Variants in NPAS3 observed in about 807,000 individuals in gnomAD.
The protein encoded by NPAS3 is neuronal PAS domain protein 3.
NPAS3 carries 14 observed loss-of-function variants against 73.1 expected under a neutral mutation model. That is an observed-to-expected ratio of 0.19 (90% CI 0.13 to 0.30). The LOEUF (loss-of-function observed/expected upper bound fraction) is 0.30, where lower values mean the gene tolerates loss of function less well. NPAS3 is among the 10% of genes least tolerant of loss of function. The pLI, the probability that NPAS3 is intolerant of heterozygous loss-of-function variation, is 1.00. For missense variants in NPAS3, 1,096 were observed against 1,250.0 expected, an observed-to-expected ratio of 0.88 and a Z score of 1.86; for synonymous variants, 620 against 541.5, an observed-to-expected ratio of 1.14 and a Z score of -2.01.
intron 2 of NPAS3, among the ~76,000 whole-genome samples, chr14:33,064,476 C>T (rs2041214039): frequency 6.6e-6 from 1 of 152,016 alleles, no homozygotes; most frequent in African/African-American, 2.4e-5. Context: ...TTTGTGTTAC[C>T]TTGGAGCTCA....
At chr14:33,674,603 C>T (rs1200199482) in intron 5 of NPAS3, among the ~76,000 whole-genome samples, 5 of 152,100 alleles carry the variant, frequency 3.3e-5, no homozygotes, top group African/African-American at 7.2e-5. Flanking sequence ...CTGTGAATCC[C>T]GATTTACGCT....
rs187683499 is a variant in NPAS3, at chr14:33,395,914, C to T, written c.468+28646C>T. Reference sequence around the variant, plus strand: ...CTTATCTCCCCAGATAAATTATAAGCAAATGGACTTGAAGGCCCAGCGGTT... The same window carrying T: ...CTTATCTCCCCAGATAAATTATAAGTAAATGGACTTGAAGGCCCAGCGGTT... On this transcript the variant is annotated intron_variant, in intron 4 of 11. Coordinates refer to ENST00000356141, the Ensembl canonical transcript of NPAS3. Among the ~76,000 whole-genome samples, 59 of 152,252 alleles carry T rather than the reference C, an allele frequency of 3.9e-4. 1 individual carries two copies. The highest frequency in any genetic ancestry group is 7.1e-4 in the Non-Finnish European group (48 of 68,016).
rs757722388 is a variant in NPAS3, at chr14:33,471,805, C to T, written c.469-88316C>T. On this transcript the variant is annotated intron_variant, in intron 4 of 11. Coordinates refer to ENST00000356141, the Ensembl canonical transcript of NPAS3. ...GTGACCCATTAGGAACTGGGCTGCA[C>T]AACAGGAGGTGAGCAGCAGGCAAGC... is the stretch of plus-strand genomic sequence containing the variant. 9.1e-4 allele frequency among the ~76,000 whole-genome samples: 139 copies of T among 152,318 alleles called. 1 individual carries two copies. Among genetic ancestry groups the T allele is most frequent in the Non-Finnish European group, 1.5e-3 (99 of 68,022 alleles).
intron 5 of NPAS3, among the ~76,000 whole-genome samples, chr14:33,574,855 GGA>G (rs2056370956): frequency 6.6e-6 from 1 of 152,152 alleles, no homozygotes. Context: ...GAGGGGGAAA[GGA>G]GAGAGACCAG....
Position 33,415,860 on chromosome 14 carries a change from G to A in NPAS3, c.468+48592G>A, listed in dbSNP as rs191198745. Reference sequence around the variant, plus strand: ...AACTTAGTTTTAGAACAGTTCCCTCGATTAATATTATCTCCTTCCAATTTT... The same window carrying A: ...AACTTAGTTTTAGAACAGTTCCCTCAATTAATATTATCTCCTTCCAATTTT... On this transcript the variant is annotated intron_variant, in intron 4 of 11. Transcript: ENST00000356141. 1.8e-4 allele frequency among the ~76,000 whole-genome samples: 27 copies of A among 152,098 alleles called. No individual in the cohort carries two copies. In the East Asian group the frequency reaches 2.1e-3, roughly 12 times the overall value.
At chr14:33,611,089 C>T (rs901599146) in intron 5 of NPAS3, 3 of 152,222 alleles carry the variant, frequency 2.0e-5, no homozygotes, top group African/African-American at 7.2e-5. Context: ...TGGACTCTTT[C>T]CTTCCTACAT....
chr14:33,741,674 G>T (rs1330466022), intron 7 of NPAS3, among the ~76,000 whole-genome samples: 3 of 152,126 alleles, frequency 2.0e-5, no homozygotes, highest in African/African-American at 7.2e-5. Flanking sequence ...TTTCTGCTGG[G>T]ACTAATCAGC....
chr14:32,937,044 A>G (rs2035718535), upstream of NPAS3, among the ~76,000 whole-genome samples: 1 of 150,888 alleles, frequency 6.6e-6, no homozygotes, highest in African/African-American at 2.4e-5. Flanking sequence ...TGAAAAATGT[A>G]GCCTTCTTTG....
intron 1 of NPAS3, among the ~76,000 whole-genome samples, chr14:32,946,348 G>GCAGA (rs2036256401): frequency 7.2e-6 from 1 of 139,314 alleles, no homozygotes; most frequent in African/African-American, 2.7e-5. Flanking sequence ...ACACACACGC[G>GCAGA]CACACACACA....
chr14:33,544,106 GTTAATA>G (rs2054668419), intron 4 of NPAS3, among the ~76,000 whole-genome samples: 1 of 151,378 alleles, frequency 6.6e-6, no homozygotes, highest in African/African-American at 2.4e-5. Flanking sequence ...ATCTGTCACT[GTTAATA>G]TTATTATTAA....
chr14:33,771,701 C>T (rs1459584516), intron 7 of NPAS3, among the ~76,000 whole-genome samples: 2 of 152,060 alleles, frequency 1.3e-5, no homozygotes, highest in Non-Finnish European at 2.9e-5. Context: ...GTCCCAGCTA[C>T]TCAGGAGGCT....
intron 4 of NPAS3, among the ~76,000 whole-genome samples, chr14:33,559,636 A>G (rs2055536975): frequency 6.6e-6 from 1 of 152,240 alleles, no homozygotes; most frequent in Admixed American, 6.5e-5. Context: ...GAAAGCTTTC[A>G]GTCTTAATTC....
chr14:33,097,413 A>G (rs1466040656), intron 2 of NPAS3, among the ~76,000 whole-genome samples: 1 of 152,174 alleles, frequency 6.6e-6, no homozygotes, highest in Non-Finnish European at 1.5e-5. Flanking sequence ...ATAGTGTTTC[A>G]TTTTGAGAAT....
At chr14:33,583,349 A>C (rs1391859374) in intron 5 of NPAS3, 1 of 152,258 alleles carries the variant, frequency 6.6e-6, no homozygotes, top group Non-Finnish European at 1.5e-5. Flanking sequence ...CTGCAACCTC[A>C]GAGTGAGAAG....
At chr14:33,445,052 T>C (rs2049423459) in intron 4 of NPAS3, among the ~76,000 whole-genome samples, 1 of 152,242 alleles carries the variant, frequency 6.6e-6, no homozygotes, top group African/African-American at 2.4e-5. Context: ...CTAGGATTAT[T>C]TTCTCCTCAG....
chr14:32,968,351 CTAT>C (rs1270129619), intron 1 of NPAS3, among the ~76,000 whole-genome samples: 3 of 152,076 alleles, frequency 2.0e-5, no homozygotes, highest in African/African-American at 7.2e-5. Flanking sequence ...TTATAAATAT[CTAT>C]TATTATGTGT....
intron 4 of NPAS3, among the ~76,000 whole-genome samples, chr14:33,520,631 TA>T (rs973734704): frequency 6.6e-6 from 1 of 152,172 alleles, no homozygotes; most frequent in African/African-American, 2.4e-5. Context: ...TGACAACAGT[TA>T]AACACAGTGA....
intron 5 of NPAS3, among the ~76,000 whole-genome samples, chr14:33,583,890 T>G (rs28698688): frequency 0.069 from 10,499 of 152,236 alleles, 579 homozygotes; most frequent in East Asian, 0.23. Context: ...TCTTCAGAGT[T>G]TAAGGGTTGT....
chr14:33,088,717 A>T (rs1013791137), intron 2 of NPAS3, among the ~76,000 whole-genome samples: 3 of 152,352 alleles, frequency 2.0e-5, no homozygotes, highest in Middle Eastern at 3.4e-3. Context: ...GAGAATAGAC[A>T]GACTGCCTCC....
Sources: gnomAD v4.1 joint callset for allele counts (sites outside exome capture counted in the v4.1 genomes callset) on GRCh38, gnomAD v4.1.1 for gene constraint, MANE v1.5 for transcripts, NCBI Gene and HGNC (gene_info 2026-07-23, HGNC 2026-07-21) for gene names.